The following EIF3A variants were observed in gnomAD, a reference collection of about 807,000 sequenced individuals.
EIF3A encodes EIF3, p180 subunit.
A neutral mutation model predicts 186.6 loss-of-function variants in EIF3A; 21 were observed. The observed-to-expected ratio is 0.11, with a 90% CI of 0.08 to 0.16. The LOEUF (loss-of-function observed/expected upper bound fraction) is 0.16, where lower values mean the gene tolerates loss of function less well. Ranked by LOEUF, EIF3A falls within the 10% of genes least tolerant of loss-of-function variation. EIF3A has a pLI of 1.00. For missense variants in EIF3A, 1,306 were observed against 1,796.3 expected (o/e 0.73, Z 4.93); for synonymous variants, 563 against 584.3 (o/e 0.96, Z 0.52).
intron 6 of EIF3A, among the ~76,000 whole-genome samples, chr10:119,067,018 G>T (rs1333838275): frequency 6.6e-6 from 1 of 151,752 alleles, no homozygotes; most frequent in Non-Finnish European, 1.5e-5. Context: ...TTCAAGACCA[G>T]CCTGGCTAAC....
intron 1 of EIF3A, among the ~76,000 whole-genome samples, chr10:119,074,918 C>CAAAAAAAA (rs1170284096): frequency 1.2e-4 from 3 of 24,092 alleles, no homozygotes; most frequent in Non-Finnish European, 1.5e-4. Flanking sequence ...AACTCCAACT[C>CAAAAAAAA]AAAAAAAAAA....
At chr10:119,080,463 A>C in intron 1 of EIF3A, 165 bp downstream of exon 1, 2 of 985,366 alleles carry the variant, frequency 2.0e-6, no homozygotes, top group Non-Finnish European at 1.2e-6. Flanking sequence ...ATAGAGTGAG[A>C]AGGAAACCCA....
chr10:119,072,797 G>C, intron 4 of EIF3A, 93 bp downstream of exon 4: 2 of 1,426,362 alleles, frequency 1.4e-6, no homozygotes, highest in South Asian at 2.7e-5. Context: ...TTTCAATAAG[G>C]ATAAAAACTA....
At position 119,041,206 on chromosome 10, in the gene EIF3A, T is replaced by A. The variant is rs912157600; in HGVS notation, c.3526+788A>T. ...AAGAAAAAAAATGGTAATAGACGCA[T>A]GTCACAAACATGTATACAACTGCTC... On this transcript the variant is annotated intron_variant, in intron 19 of 21. Coordinates refer to ENST00000369144, the MANE Select transcript of EIF3A (RefSeq NM_003750.4). Among the ~76,000 whole-genome samples the A allele has an allele frequency of 2.0e-5, 3 of 151,886 alleles. No homozygotes were observed. The South Asian group carries it at 6.3e-4, about 32-fold the overall frequency.
chr10:119,070,617 G>C (rs1056854324), intron 5 of EIF3A, among the ~76,000 whole-genome samples: 1 of 152,092 alleles, frequency 6.6e-6, no homozygotes, highest in South Asian at 2.1e-4. Context: ...ACCACACTTC[G>C]AGCAGCACTG....
chr10:119,052,983 G>A (rs376535358), intron 14 of EIF3A, among the ~76,000 whole-genome samples: 2 of 152,200 alleles, frequency 1.3e-5, no homozygotes, highest in Admixed American at 6.5e-5. Context: ...CTAGATCTAC[G>A]GGCTGCAGAA....
At chr10:119,071,204 T>G in intron 4 of EIF3A, 119 bp from the exon 5 acceptor site, 4 of 733,836 alleles carry the variant, frequency 5.5e-6, no homozygotes, top group Non-Finnish European at 9.1e-6. Flanking sequence ...AACTCATCAT[T>G]AGTCTTTGTG....
rs769656814 is a variant in EIF3A at position 119,073,421 on chromosome 10, T to C, written c.377+20A>G. ...CCAAGTTAACTATCAAAGCATTTATTAGAGGTCTAACCCACATACCTCTCA... is the reference window on the plus strand; with the variant it reads ...CCAAGTTAACTATCAAAGCATTTATCAGAGGTCTAACCCACATACCTCTCA... On this transcript the variant is annotated intron_variant, in intron 3 of 21. Transcript: ENST00000369144. The C allele has an allele frequency of 6.5e-7, 1 of 1,532,926 alleles. No homozygotes were observed. Among genetic ancestry groups the C allele is most frequent in the South Asian group, 1.2e-5 (1 of 83,850 alleles). 95.0% of individuals were successfully genotyped at this position (1,532,926 alleles called of 1,614,324 possible).
chr10:119,080,771 C>T lies in EIF3A; in HGVS notation c.-95G>A. ...AGGGGAACCAGCGTAAGGTCCCACGCGCCTCGCCAGCAGTCGCCCGCGCCC... is the reference window on the plus strand; with the variant it reads ...AGGGGAACCAGCGTAAGGTCCCACGTGCCTCGCCAGCAGTCGCCCGCGCCC... On this transcript the variant is annotated 5_prime_UTR_variant, in exon 1 of 22. Coordinates refer to ENST00000369144, the MANE Select transcript of EIF3A (RefSeq NM_003750.4). The T allele has an allele frequency of 4.7e-6, 7 of 1,479,816 alleles. No homozygotes were observed. Among genetic ancestry groups the T allele is most frequent in the Non-Finnish European group, 6.3e-6 (7 of 1,112,214 alleles). 91.7% of individuals were successfully genotyped at this position (1,479,816 alleles called of 1,614,324 possible). A position where few individuals can be genotyped will look rare whatever the true frequency, so the allele number is the denominator to read the frequency against.
chr10:119,055,913 A>G (rs1405435901), intron 14 of EIF3A, among the ~76,000 whole-genome samples: 3 of 152,168 alleles, frequency 2.0e-5, no homozygotes, highest in Non-Finnish European at 2.9e-5. Context: ...GGTCTGCAGC[A>G]CTTTTCTAAT....
intron 19 of EIF3A, among the ~76,000 whole-genome samples, chr10:119,040,628 T>G (rs1848194644): frequency 6.6e-6 from 1 of 152,130 alleles, no homozygotes; most frequent in South Asian, 2.1e-4. Flanking sequence ...CCTAGCACTT[T>G]GGGAGGCCGA....
intron 7 of EIF3A, among the ~76,000 whole-genome samples, chr10:119,063,852 G>A (rs1489115854): frequency 2.6e-5 from 4 of 152,206 alleles, no homozygotes; most frequent in African/African-American, 4.8e-5. Context: ...GGAAGCCGAG[G>A]GGGATCGTTC....
chr10:119,054,636 G>A (rs568004503), intron 14 of EIF3A, among the ~76,000 whole-genome samples: 15 of 151,210 alleles, frequency 9.9e-5, no homozygotes, highest in African/African-American at 3.6e-4. Context: ...GCTGAGGCAC[G>A]AGAATCACTT....
In EIF3A at chr10:119,049,988, A is replaced by G; in HGVS notation, c.2474-3T>C. On this transcript the variant is annotated splice_region_variant and splice_polypyrimidine_tract_variant and intron_variant, in intron 16 of 21. Coordinates refer to ENST00000369144, the MANE Select transcript of EIF3A (RefSeq NM_003750.4). ...GGCGCGCTCTCTCTCTTCCCGCTCT[A>G]GACCATTGATTAGGTTACTAAGTGT... 6.2e-7 allele frequency: 1 copy of G among 1,613,594 alleles called. No individual in the cohort carries two copies. Among genetic ancestry groups the G allele is most frequent in the Non-Finnish European group, 8.5e-7 (1 of 1,179,830 alleles).
Position 119,042,541 on chromosome 10 carries a change from A to T in EIF3A, c.2979T>A (p.Asp993Glu), listed in dbSNP as rs532138. The T allele has an allele frequency of 2.6e-3, 4,207 of 1,613,892 alleles. 65 individuals are homozygous for T. In the African/African-American group the frequency reaches 0.043, roughly 16 times the overall value. Residue 993 changes from aspartate (D) to glutamate (E), a missense_variant, in exon 19 of 22, where the codon GAT (aspartate) becomes GAA (glutamate). Asp to Glu is a conservative substitution (Grantham distance 45). This residue lies in a region of EIF3A where 410 missense variants were observed against 473.5 expected (regional missense o/e 0.87). Coordinates refer to ENST00000369144, the MANE Select transcript of EIF3A (RefSeq NM_003750.4). This position sits in a 1 kb window ranked among gnomAD's most constrained non-coding sequence, Gnocchi z 7.8. Reference protein sequence around the residue: ...DDDRPSWRNTDDDRPPRRIAD... With the variant: ...DDDRPSWRNTEDDRPPRRIAD... ...CAATTCGTCTGGGAGGCCTGTCATC[A>T]TCTGTGTTACGCCAGGAAGGCCGGT...
intron 7 of EIF3A, among the ~76,000 whole-genome samples, 182 bp from the exon 8 acceptor site, chr10:119,061,510 A>C (rs1189957437): frequency 6.6e-6 from 1 of 152,040 alleles, no homozygotes; most frequent in Non-Finnish European, 1.5e-5. Context: ...CTTTTGCCCC[A>C]CACTATGCAC....
intron 5 of EIF3A, 79 bp from the exon 6 acceptor site, chr10:119,069,733 C>T (rs931313763): frequency 2.6e-6 from 2 of 756,500 alleles, no homozygotes; most frequent in Non-Finnish European, 4.6e-6. Context: ...ATGAAACCTA[C>T]AACACAGAAA....
At chr10:119,051,794 G>A (rs967605940) in intron 14 of EIF3A, among the ~76,000 whole-genome samples, 18 of 152,166 alleles carry the variant, frequency 1.2e-4, no homozygotes, top group East Asian at 5.8e-4. Flanking sequence ...GCAGTAGTAC[G>A]CTGAGGCAAG....
At chr10:119,064,723 T>C (rs1330230514) in intron 7 of EIF3A, among the ~76,000 whole-genome samples, 1 of 152,158 alleles carries the variant, frequency 6.6e-6, no homozygotes, top group African/African-American at 2.4e-5. Flanking sequence ...TGTTTGTTTG[T>C]TTGAAAAGGA....
Sources: gnomAD v4.1 joint callset for allele counts (sites outside exome capture counted in the v4.1 genomes callset) on GRCh38, gnomAD v4.1.1 for gene constraint, gnomAD v4.1.1 regional missense constraint, Gnocchi (gnomAD v3.1) non-coding constraint, MANE v1.5 for transcripts, NCBI Gene and HGNC (gene_info 2026-07-23, HGNC 2026-07-21) for gene names.